Variants in PSME4 observed in about 807,000 individuals in gnomAD.
PSME4 encodes the protein proteasome activator subunit 4.
Under a neutral mutation model 253.9 loss-of-function variants are expected in PSME4, and 89 were observed. That is an observed-to-expected ratio of 0.35 (90% CI 0.30 to 0.42). PSME4 has a LOEUF of 0.42. PSME4 is among the 10% of genes least tolerant of loss of function. The pLI is 1.00. For synonymous variants in PSME4, 851 were observed against 759.2 expected (o/e 1.12, Z -1.99); for missense variants, 2,014 against 2,195.2 (o/e 0.92, Z 1.65).
intron 31 of PSME4, 124 bp from the exon 32 acceptor site, chr2:53,897,009 T>G: frequency 1.4e-6 from 1 of 707,200 alleles, no homozygotes; most frequent in East Asian, 2.6e-5. Context: ...TATCGACATC[T>G]GGCAGTACAT....
chr2:53,922,596 A>G lies in PSME4; in HGVS notation c.1979-12T>C, dbSNP rs762833561. On this transcript the variant is annotated splice_polypyrimidine_tract_variant and intron_variant, in intron 16 of 46. Coordinates refer to ENST00000404125, the MANE Select transcript of PSME4 (RefSeq NM_014614.3). ...TAATACATCATCATCTAAAAACAGC[A>G]AAATACTATTAGGGGGAAAAACCTA... 1 of 1,610,406 alleles carries G rather than the reference A, an allele frequency of 6.2e-7. No homozygotes were observed. Among genetic ancestry groups the G allele is most frequent in the South Asian group, 1.1e-5 (1 of 89,934 alleles).
chr2:53,890,725 G>A (rs1467589568), intron 36 of PSME4, among the ~76,000 whole-genome samples: 1 of 152,078 alleles, frequency 6.6e-6, no homozygotes, highest in Non-Finnish European at 1.5e-5. Context: ...ACTTTGCATG[G>A]CGCTTTAAAA....
intron 39 of PSME4, 21 bp downstream of exon 39, chr2:53,887,837 C>A (rs886332166): frequency 6.4e-7 from 1 of 1,568,392 alleles, no homozygotes; most frequent in South Asian, 1.1e-5. Flanking sequence ...AGAGGTACAC[C>A]ACAGAGAAAA....
chr2:53,894,488 T>A (rs1214948635), intron 34 of PSME4, among the ~76,000 whole-genome samples: 1 of 152,168 alleles, frequency 6.6e-6, no homozygotes, highest in Admixed American at 6.6e-5. Context: ...CTCAGGATGG[T>A]CTCAAACTCC....
At position 53,931,992 on chromosome 2, in the gene PSME4, T is replaced by G; in HGVS notation, c.1159A>C (p.Lys387Gln). 1.9e-6 allele frequency: 3 copies of G among 1,614,076 alleles called. No individual in the cohort carries two copies. The highest frequency in any genetic ancestry group is 2.5e-6 in the Non-Finnish European group (3 of 1,179,922). Residue 387 changes from lysine (K) to glutamine (Q), a missense_variant, in exon 10 of 47, where the codon AAG becomes CAG. Physicochemically the swap from Lys to Gln is moderately conservative, Grantham distance 53. Transcript: ENST00000404125. ...TCTGTAACATCTTGATCAGTAAGCT[T>G]GTGGCTATCAGGCACAGGAGTTAAC... ...SWLTPVPDSH[K>Q]LTDQDVTDFV... is the part of the protein sequence containing the mutation.
chr2:53,875,714 T>G lies in PSME4; in HGVS notation c.4857A>C (p.Lys1619Asn). ...ATGATAAACATAACTTTGCATCTCT[T>G]TTCAGTTCATCGTAGCTATTGTCAT... ...VENDNSYDEL[K>N]RDAKLCLSLM... Residue 1619 changes from lysine (K) to asparagine (N), a missense_variant, in exon 42 of 47, where the codon AAA becomes AAC. Lys to Asn is a moderately conservative substitution (Grantham distance 94). Around this residue, in one of 4 missense-constraint regions of PSME4, gnomAD observed 403 missense variants for 556.1 expected, o/e 0.72. Coordinates refer to ENST00000404125, the MANE Select transcript of PSME4 (RefSeq NM_014614.3). 6.2e-7 allele frequency: 1 copy of G among 1,613,384 alleles called. No homozygotes were observed. The highest frequency in any genetic ancestry group is 8.5e-7 in the Non-Finnish European group (1 of 1,179,494).
intron 44 of PSME4, among the ~76,000 whole-genome samples, chr2:53,868,452 C>A (rs1678679699): frequency 7.4e-6 from 1 of 134,490 alleles, no homozygotes; most frequent in South Asian, 2.3e-4. Context: ...ATCCTGTTTC[C>A]AAAAAATATA....
At chr2:53,919,017 T>C (rs920467361) in intron 20 of PSME4, 134 bp downstream of exon 20, 29 of 804,674 alleles carry the variant, frequency 3.6e-5, no homozygotes, top group Non-Finnish European at 4.6e-5. Flanking sequence ...TCTGGTATTT[T>C]TGACCTTAAC....
intron 1 of PSME4, among the ~76,000 whole-genome samples, chr2:53,965,340 C>T (rs1670669016): frequency 6.6e-6 from 1 of 151,818 alleles, no homozygotes; most frequent in African/African-American, 2.4e-5. Context: ...CCTCTGCCTC[C>T]CAGGTTCAAG....
chr2:53,926,533 T>G (rs1668564702), intron 12 of PSME4, among the ~76,000 whole-genome samples: 1 of 151,642 alleles, frequency 6.6e-6, no homozygotes. Flanking sequence ...TATACACAAT[T>G]AGCCAGGCAT....
intron 41 of PSME4, among the ~76,000 whole-genome samples, chr2:53,876,222 T>G (rs1482993895): frequency 6.6e-6 from 1 of 152,212 alleles, no homozygotes; most frequent in Non-Finnish European, 1.5e-5. Flanking sequence ...TTGTACTTAC[T>G]TGGTATGTTT....
At chr2:53,962,029 C>T (rs904866325) in intron 1 of PSME4, among the ~76,000 whole-genome samples, 12 of 152,150 alleles carry the variant, frequency 7.9e-5, no homozygotes, top group Non-Finnish European at 1.3e-4. Context: ...ATAAAAACAC[C>T]TTCAAATAAG....
At chr2:53,967,230 A>T (rs1282594953) in intron 1 of PSME4, among the ~76,000 whole-genome samples, 1 of 152,192 alleles carries the variant, frequency 6.6e-6, no homozygotes, top group Non-Finnish European at 1.5e-5. Flanking sequence ...TAGTACTTTA[A>T]ATTGTCTGTA....
chr2:53,895,355 A>C (rs889079444), intron 33 of PSME4, among the ~76,000 whole-genome samples: 7 of 152,208 alleles, frequency 4.6e-5, no homozygotes, highest in African/African-American at 1.7e-4. Flanking sequence ...AGCTATTAAT[A>C]ACCTCCTTAG....
intron 4 of PSME4, among the ~76,000 whole-genome samples, chr2:53,938,631 C>A (rs1456862932): frequency 6.6e-6 from 1 of 152,004 alleles, no homozygotes; most frequent in Non-Finnish European, 1.5e-5. Flanking sequence ...AAAATACAAA[C>A]AGCATATGAA....
intron 3 of PSME4, among the ~76,000 whole-genome samples, chr2:53,946,721 C>T (rs1013601513): frequency 1.3e-5 from 2 of 152,046 alleles, no homozygotes; most frequent in Non-Finnish European, 2.9e-5. Context: ...CACAGTGAGA[C>T]CCTGTGTAGA....
intron 41 of PSME4, among the ~76,000 whole-genome samples, chr2:53,885,282 G>C (rs914930607): frequency 1.3e-5 from 2 of 152,112 alleles, no homozygotes; most frequent in Non-Finnish European, 2.9e-5. Context: ...AACAGTTATA[G>C]GGTCCTTTAA....
intron 41 of PSME4, among the ~76,000 whole-genome samples, chr2:53,882,190 G>A (rs1248632438): frequency 6.6e-6 from 1 of 152,058 alleles, no homozygotes; most frequent in East Asian, 1.9e-4. Context: ...CACTTCTGGT[G>A]ATTTATTCTA....
chr2:53,963,534 C>A (rs1670586772), intron 1 of PSME4, among the ~76,000 whole-genome samples: 1 of 152,176 alleles, frequency 6.6e-6, no homozygotes, highest in South Asian at 2.1e-4. Context: ...CTTGTGTCTT[C>A]ATTTTTTAAA....
Sources: gnomAD v4.1 joint callset for allele counts (sites outside exome capture counted in the v4.1 genomes callset) on GRCh38, gnomAD v4.1.1 for gene constraint, gnomAD v4.1.1 regional missense constraint, MANE v1.5 for transcripts, NCBI Gene and HGNC (gene_info 2026-07-23, HGNC 2026-07-21) for gene names.